MGAT4C: variants seen among roughly 807,000 people sequenced by gnomAD.
MGAT4C encodes the protein alpha-1,3-mannosyl-glycoprotein 4-beta-N-acetylglucosaminyltransferase C.
MGAT4C carries 19 observed loss-of-function variants against 40.1 expected under a neutral mutation model. The observed-to-expected ratio is 0.47, with a 90% confidence interval of 0.33 to 0.70. The LOEUF is 0.70. Among genes scored for constraint, MGAT4C ranks in the 30% least tolerant of loss-of-function variants. The probability of loss-of-function intolerance (pLI) is 0.02; values close to 1 mark genes in which losing one functional copy is unlikely to be tolerated. For missense variants in MGAT4C, 491 were observed against 563.2 expected (o/e 0.87, Z 1.30); for synonymous variants, 181 against 187.1 (o/e 0.97, Z 0.27).
chr12:86,683,311 TTATC>T (rs1289232737), intron 2 of MGAT4C, among the ~76,000 whole-genome samples: 2 of 152,196 alleles, frequency 1.3e-5, no homozygotes, highest in Non-Finnish European at 2.9e-5. Context: ...ATCTATCTTT[TTATC>T]TATCATCTAT....
At chr12:86,809,818 C>A (rs1952436781) in intron 1 of MGAT4C, among the ~76,000 whole-genome samples, 1 of 151,868 alleles carries the variant, frequency 6.6e-6, no homozygotes, top group South Asian at 2.1e-4. Context: ...TGGTGTTAAT[C>A]TTTTTATTTT....
At position 85,957,657 on chromosome 12, in the gene MGAT4C, CAAAAAAAAAAAAAAAAG is replaced by C. The variant is rs1198928059; in HGVS notation, c.*21615_*21631del. On this transcript the variant is annotated 3_prime_UTR_variant, in exon 5 of 5. Coordinates refer to ENST00000611864, the MANE Select transcript of MGAT4C (RefSeq NM_001351288.2). ...TTTACTGTAGAGTTGAATAAGAAAGCAAAAAAAAAAAAAAAAGAAAAAAGAAAAAAAAAATCTATCAA... is the reference window on the plus strand; with the variant it reads ...TTTACTGTAGAGTTGAATAAGAAAGCAAAAAAGAAAAAAAAAATCTATCAA... 2 of 101,306 alleles carry C rather than the reference CAAAAAAAAAAAAAAAAG, an allele frequency of 2.0e-5. No individual in the cohort carries two copies. The highest frequency in any genetic ancestry group is 1.9e-5 in the Non-Finnish European group (1 of 52,742). 6.3% of individuals were successfully genotyped at this position (101,306 alleles called of 1,614,324 possible).
intron 2 of MGAT4C, among the ~76,000 whole-genome samples, chr12:86,665,182 A>G (rs903888284): frequency 1.3e-5 from 2 of 152,108 alleles, no homozygotes; most frequent in Non-Finnish European, 2.9e-5. Context: ...ATCAGCCCAC[A>G]GCATAAGTAG....
At chr12:86,094,652 T>G (rs1170171083) in intron 1 of MGAT4C, among the ~76,000 whole-genome samples, 1 of 152,190 alleles carries the variant, frequency 6.6e-6, no homozygotes, top group East Asian at 1.9e-4. Flanking sequence ...TACAAAGATA[T>G]GTTTTCATTA....
intron 1 of MGAT4C, among the ~76,000 whole-genome samples, chr12:86,769,759 G>A (rs556559889): frequency 3.3e-5 from 5 of 151,902 alleles, no homozygotes; most frequent in Non-Finnish European, 4.4e-5. Flanking sequence ...GTAAACTATC[G>A]CAAGGACAAA....
intron 2 of MGAT4C, among the ~76,000 whole-genome samples, chr12:86,012,178 T>A (rs1235345272): frequency 6.6e-6 from 1 of 152,216 alleles, no homozygotes; most frequent in East Asian, 1.9e-4. Context: ...GACATTTGCT[T>A]GCTAACGGCA....
chr12:86,495,504 C>T (rs1159750416), intron 2 of MGAT4C, among the ~76,000 whole-genome samples: 1 of 152,038 alleles, frequency 6.6e-6, no homozygotes, highest in Non-Finnish European at 1.5e-5. Context: ...TGCATTATGC[C>T]TGTATTTGAA....
At chr12:86,311,376 G>T (rs181177036) in intron 4 of MGAT4C, among the ~76,000 whole-genome samples, 1 of 152,200 alleles carries the variant, frequency 6.6e-6, no homozygotes, top group Non-Finnish European at 1.5e-5. Flanking sequence ...ATCTTACGGG[G>T]TCACCGGTGC....
intron 2 of MGAT4C, among the ~76,000 whole-genome samples, chr12:86,696,351 C>A (rs1950258567): frequency 6.6e-6 from 1 of 152,004 alleles, no homozygotes; most frequent in African/African-American, 2.4e-5. Flanking sequence ...CTACCACATA[C>A]CCACAAAAAT....
intron 4 of MGAT4C, among the ~76,000 whole-genome samples, chr12:86,273,384 T>C (rs1201289897): frequency 6.6e-6 from 1 of 152,154 alleles, no homozygotes; most frequent in African/African-American, 2.4e-5. Flanking sequence ...AAGAAAAATA[T>C]AGACATATTT....
chr12:86,428,622 G>T (rs1248098830), intron 3 of MGAT4C, among the ~76,000 whole-genome samples: 1 of 152,146 alleles, frequency 6.6e-6, no homozygotes, highest in Admixed American at 6.5e-5. Flanking sequence ...CTTGCTGGGA[G>T]ACTTTTTCTT....
At chr12:86,754,427 C>G (rs1256250071) in intron 1 of MGAT4C, among the ~76,000 whole-genome samples, 6 of 151,942 alleles carry the variant, frequency 3.9e-5, no homozygotes, top group Non-Finnish European at 8.8e-5. Flanking sequence ...TGGGTGTATA[C>G]ATATGGCAAA....
At chr12:86,009,324 T>G (rs146726205) in intron 2 of MGAT4C, among the ~76,000 whole-genome samples, 153 of 152,338 alleles carry the variant, frequency 1.0e-3, no homozygotes, top group African/African-American at 3.6e-3. Context: ...TAGCCTTGAA[T>G]AGTTTCTTCA....
intron 2 of MGAT4C, among the ~76,000 whole-genome samples, chr12:86,580,894 G>A (rs1565862985): frequency 6.6e-6 from 1 of 151,440 alleles, no homozygotes; most frequent in Non-Finnish European, 1.5e-5. Context: ...GACAACAGAT[G>A]TACATCAGGT....
chr12:86,420,022 A>G (rs950695110), intron 3 of MGAT4C, among the ~76,000 whole-genome samples: 2 of 151,680 alleles, frequency 1.3e-5, no homozygotes, highest in Admixed American at 6.6e-5. Flanking sequence ...TTTTTTTTTA[A>G]AAGTTAACCA....
At chr12:86,376,848 G>GAGAGAGAGAC in intron 3 of MGAT4C, among the ~76,000 whole-genome samples, 1 of 62,700 alleles carries the variant, frequency 1.6e-5, no homozygotes, top group South Asian at 8.9e-4. Flanking sequence ...GAGAGACAGA[G>GAGAGAGAGAC]AGAGAGAGAG....
chr12:86,362,915 T>C (rs1955513576), intron 3 of MGAT4C, among the ~76,000 whole-genome samples: 2 of 145,790 alleles, frequency 1.4e-5, no homozygotes, highest in African/African-American at 5.1e-5. Flanking sequence ...TAATATTAGC[T>C]AAAGTGGATT....
chr12:86,121,674 T>C (rs1879400946), intron 1 of MGAT4C, among the ~76,000 whole-genome samples: 1 of 152,044 alleles, frequency 6.6e-6, no homozygotes, highest in Admixed American at 6.6e-5. Flanking sequence ...AGAAATAAAA[T>C]CCTTTACAGA....
At chr12:86,268,433 C>T (rs1206842999) in intron 4 of MGAT4C, among the ~76,000 whole-genome samples, 1 of 151,848 alleles carries the variant, frequency 6.6e-6, no homozygotes, top group Admixed American at 6.6e-5. Context: ...TTGAAAAATA[C>T]ATGATATATA....
Sources: allele counts gnomAD v4.1 joint callset (sites outside exome capture counted in the v4.1 genomes callset), GRCh38; gene constraint gnomAD v4.1.1; transcripts MANE v1.5; gene names NCBI Gene and HGNC (gene_info 2026-07-23, HGNC 2026-07-21).